DGKI: variants seen among roughly 807,000 people sequenced by gnomAD.
The protein encoded by DGKI is diacylglycerol kinase iota.
A neutral mutation model predicts 147.5 loss-of-function variants in DGKI; 55 were observed. The observed-to-expected ratio is 0.37, with a 90% CI of 0.30 to 0.47. The LOEUF (loss-of-function observed/expected upper bound fraction) is 0.47, where lower values mean the gene tolerates loss of function less well. Ranked by LOEUF, DGKI falls within the 20% of genes least tolerant of loss-of-function variation. The pLI is 1.00. For synonymous variants in DGKI, 469 were observed against 477.1 expected (o/e 0.98, Z 0.22); for missense variants, 1,007 against 1,323.8 (o/e 0.76, Z 3.71).
intron 1 of DGKI, among the ~76,000 whole-genome samples, chr7:137,729,837 T>A (rs1794818899): frequency 6.6e-6 from 1 of 152,048 alleles, no homozygotes; most frequent in Non-Finnish European, 1.5e-5. Context: ...TTTCAAACAC[T>A]CCTTCATCTC....
chr7:137,801,108 T>C (rs1210242142), intron 1 of DGKI, among the ~76,000 whole-genome samples: 1 of 152,248 alleles, frequency 6.6e-6, no homozygotes, highest in Non-Finnish European at 1.5e-5. Context: ...TACTGTCTAA[T>C]ACAATCTTGT....
At chr7:137,647,523 G>C (rs756717321) in intron 5 of DGKI, among the ~76,000 whole-genome samples, 1 of 152,208 alleles carries the variant, frequency 6.6e-6, no homozygotes, top group Non-Finnish European at 1.5e-5. Flanking sequence ...GCTGGTGGTG[G>C]TTGTATGTAC....
intron 1 of DGKI, among the ~76,000 whole-genome samples, chr7:137,702,745 T>G (rs1824025807): frequency 1.3e-5 from 2 of 152,188 alleles, no homozygotes; most frequent in African/African-American, 4.8e-5. Context: ...CTCAGACAAC[T>G]GTCGTAATGT....
chr7:137,597,952 T>C (rs1031360634), intron 11 of DGKI, 45 bp from the exon 12 acceptor site: 15 of 1,567,436 alleles, frequency 9.6e-6, no homozygotes, highest in Non-Finnish European at 1.3e-5. Context: ...AACATTTCAC[T>C]GGCTAGAGCA....
intron 1 of DGKI, among the ~76,000 whole-genome samples, chr7:137,777,287 C>T (rs1796390563): frequency 6.6e-6 from 1 of 152,094 alleles, no homozygotes; most frequent in Non-Finnish European, 1.5e-5. Context: ...GTGGAAAAGG[C>T]ATTGTCTGCT....
chr7:137,474,139 T>C (rs1451421948), intron 23 of DGKI, among the ~76,000 whole-genome samples: 2 of 152,130 alleles, frequency 1.3e-5, no homozygotes, highest in Non-Finnish European at 1.5e-5. Context: ...TGAATTCCAA[T>C]GAAAAACTGT....
In DGKI at chr7:137,395,559, G is replaced by T. The variant is rs752233389; in HGVS notation, c.3057+39C>A. ...CAAAGGCAACAGCGCCTGCGATCTC[G>T]CCCAGCGGGAGGATGTTTGCACTCA... On this transcript the variant is annotated intron_variant, in intron 32 of 32. Transcript: ENST00000614521. 8 of 1,583,546 alleles carry T rather than the reference G, an allele frequency of 5.1e-6. No homozygotes were observed. In the East Asian group the frequency reaches 1.1e-4, roughly 22 times the overall value.
chr7:137,599,307 A>G (rs985453356), intron 11 of DGKI, among the ~76,000 whole-genome samples: 1 of 152,200 alleles, frequency 6.6e-6, no homozygotes, highest in Non-Finnish European at 1.5e-5. Flanking sequence ...AACGGGATTG[A>G]GCAGGAATTA....
In DGKI at chr7:137,429,719, C is replaced by A. The variant is rs1306525007; in HGVS notation, c.2761+14358G>T. Among the ~76,000 whole-genome samples the A allele has an allele frequency of 4.1e-5, 6 of 146,796 alleles. No homozygotes were observed. In the East Asian group the frequency reaches 1.2e-3, roughly 30 times the overall value. On this transcript the variant is annotated intron_variant, in intron 28 of 32. Coordinates refer to ENST00000614521, the MANE Select transcript of DGKI (RefSeq NM_001321708.2). ...AACAAATTTACAAGAAAATAACAAACAACCCCATCAAAAAGTGGGCGAAGG... is the reference window on the plus strand; with the variant it reads ...AACAAATTTACAAGAAAATAACAAAAAACCCCATCAAAAAGTGGGCGAAGG...
At chr7:137,845,903 G>A (rs1354025185) in intron 1 of DGKI, among the ~76,000 whole-genome samples, 2 of 152,072 alleles carry the variant, frequency 1.3e-5, no homozygotes, top group Non-Finnish European at 2.9e-5. Flanking sequence ...CCTTCATGGG[G>A]GATTTCGAGG....
chr7:137,623,968 G>GA lies in DGKI; in HGVS notation c.805-415dup, dbSNP rs367767351. On this transcript the variant is annotated intron_variant, in intron 6 of 32. Transcript: ENST00000614521. ...TACAACTTTAGCATCCGAGAACCCA[G>GA]AAAAAAAAAAAGAAATGAAATATCA... 8.7e-3 allele frequency among the ~76,000 whole-genome samples: 1,252 copies of GA among 143,800 alleles called. 17 individuals are homozygous for GA. Among genetic ancestry groups the GA allele is most frequent in the African/African-American group, 0.029 (1,149 of 39,506 alleles). 94.3% of individuals were successfully genotyped at this position (143,800 alleles called of 152,430 possible).
chr7:137,845,384 C>T (rs1798681199), intron 1 of DGKI, among the ~76,000 whole-genome samples: 1 of 152,194 alleles, frequency 6.6e-6, no homozygotes, highest in Non-Finnish European at 1.5e-5. Context: ...GTGTGACAGG[C>T]TTAATACTTT....
At chr7:137,461,562 GTTTTA>G (rs1294273728) in intron 27 of DGKI, among the ~76,000 whole-genome samples, 1 of 152,148 alleles carries the variant, frequency 6.6e-6, no homozygotes, top group Non-Finnish European at 1.5e-5. Flanking sequence ...GTTTAGTTTA[GTTTTA>G]TTTTTAAGTG....
rs1479862279 is a variant in DGKI at position 137,390,192 on chromosome 7, TC to T, written c.*1027del. 1 of 152,200 alleles carries T rather than the reference TC, an allele frequency of 6.6e-6. No individual in the cohort carries two copies. Among genetic ancestry groups the T allele is most frequent in the East Asian group, 1.9e-4 (1 of 5,196 alleles). 9.4% of individuals were successfully genotyped at this position (152,200 alleles called of 1,614,324 possible). A position where few individuals can be genotyped will look rare whatever the true frequency, so the allele number is the denominator to read the frequency against. On this transcript the variant is annotated 3_prime_UTR_variant, in exon 33 of 33. Coordinates refer to ENST00000614521, the MANE Select transcript of DGKI (RefSeq NM_001321708.2). ...ACTTTTGCTTTTGCTGTTTTTTTTT[TC>T]CAAGTCAATTAGGGTGCTTTCTATT... is the stretch of plus-strand genomic sequence containing the variant.
At chr7:137,573,940 G>C (rs1229513327) in intron 17 of DGKI, among the ~76,000 whole-genome samples, 5 of 152,216 alleles carry the variant, frequency 3.3e-5, no homozygotes, top group Non-Finnish European at 2.9e-5. Context: ...CATGACTATA[G>C]ACTTTCCGAT....
intron 10 of DGKI, among the ~76,000 whole-genome samples, chr7:137,600,180 C>T (rs1262432657): frequency 6.7e-6 from 1 of 149,814 alleles, no homozygotes; most frequent in South Asian, 2.1e-4. Context: ...GCTGAGGAGG[C>T]GGAGTGTGCA....
At chr7:137,816,883 A>C (rs917712450) in intron 1 of DGKI, among the ~76,000 whole-genome samples, 20 of 152,142 alleles carry the variant, frequency 1.3e-4, no homozygotes, top group African/African-American at 4.8e-4. Context: ...GACACTTTGG[A>C]CCAGAGAGTT....
intron 1 of DGKI, among the ~76,000 whole-genome samples, chr7:137,787,664 G>T (rs1376943861): frequency 2.0e-5 from 3 of 152,084 alleles, no homozygotes; most frequent in African/African-American, 7.2e-5. Flanking sequence ...GCACACACAT[G>T]TTTAAGCGGC....
At chr7:137,773,782 T>C (rs988395220) in intron 1 of DGKI, among the ~76,000 whole-genome samples, 2 of 152,224 alleles carry the variant, frequency 1.3e-5, no homozygotes, top group Non-Finnish European at 2.9e-5. Context: ...AAAGTTAATC[T>C]GAGTGATCCC....
Sources: gnomAD v4.1 joint callset for allele counts (sites outside exome capture counted in the v4.1 genomes callset) on GRCh38, gnomAD v4.1.1 for gene constraint, MANE v1.5 for transcripts, NCBI Gene and HGNC (gene_info 2026-07-23, HGNC 2026-07-21) for gene names.